The following VWA5B1 variants were observed in gnomAD, a reference collection of about 807,000 sequenced individuals.
The protein encoded by VWA5B1 is von Willebrand factor A domain containing 5B1, also known as von Willebrand factor A domain-containing protein 5B1.
In VWA5B1, 115 loss-of-function variants were observed where a neutral mutation model predicts 118.2. That is an observed-to-expected ratio of 0.97 (90% confidence interval 0.84 to 1.14). The LOEUF (loss-of-function observed/expected upper bound fraction) is 1.14, where lower values mean the gene tolerates loss of function less well. Among genes scored for constraint, VWA5B1 ranks in the 50% most tolerant of loss-of-function variants. The probability of loss-of-function intolerance (pLI) is 0.00; values close to 1 mark genes in which losing one functional copy is unlikely to be tolerated. For missense variants in VWA5B1, 1,596 were observed against 1,603.8 expected, an observed-to-expected ratio of 1.00 and a Z score of 0.08; for synonymous variants, 682 against 658.4, an observed-to-expected ratio of 1.04 and a Z score of -0.55.
chr1:20,336,314 C>A lies in VWA5B1; in HGVS notation c.1770C>A (p.Arg590=). 6.8e-7 allele frequency: 1 copy of A among 1,465,950 alleles called. No individual in the cohort carries two copies. Among genetic ancestry groups the A allele is most frequent in the Non-Finnish European group, 9.1e-7 (1 of 1,100,514 alleles). The allele number at this position is 1,465,950 out of a possible 1,614,324, so 90.8% of individuals were successfully genotyped here. The change falls in exon 13 of 22, where the codon CGC becomes CGA. Residue 590 remains arginine, a synonymous_variant. Transcript: ENST00000289815. ...HISNPRSDKR[R]RYSMLHSQES... is the part of the protein sequence containing the mutation. ...GTTTCTCCCTACAGGACAAGAGGCG[C>A]CGGTACAGCATGCTGCACTCTCAGG...
intron 4 of VWA5B1, among the ~76,000 whole-genome samples, chr1:20,317,155 CA>C (rs367872784): frequency 0.033 from 2,320 of 70,470 alleles, 22 homozygotes; most frequent in African/African-American, 0.068. Context: ...GACTGCATCT[CA>C]AAAAAAAAAA....
At chr1:20,327,863 C>T (rs2100914692) in intron 8 of VWA5B1, 27 bp from the exon 9 acceptor site, 1 of 1,540,510 alleles carries the variant, frequency 6.5e-7, no homozygotes, top group East Asian at 2.4e-5. Context: ...CTTCCTGAAT[C>T]CTGAAAACCC....
Position 20,337,875 on chromosome 1 carries a change from G to A in VWA5B1, c.2133+39G>A, listed in dbSNP as rs578152211. Reference sequence around the variant, plus strand: ...ACAGATTAGGGAGGAGCTGGGGAAGGCGACAGGCAGGGGAGAGCTGTGTCC... The same window carrying A: ...ACAGATTAGGGAGGAGCTGGGGAAGACGACAGGCAGGGGAGAGCTGTGTCC... On this transcript the variant is annotated intron_variant, in intron 14 of 21. Coordinates refer to ENST00000289815, the MANE Select transcript of VWA5B1 (RefSeq NM_001039500.3). 3 of 1,551,022 alleles carry A rather than the reference G, an allele frequency of 1.9e-6. No individual in the cohort carries two copies. In the East Asian group the frequency reaches 7.3e-5, roughly 38 times the overall value.
At chr1:20,324,977 G>T (rs755750479) in intron 8 of VWA5B1, among the ~76,000 whole-genome samples, 10 of 152,172 alleles carry the variant, frequency 6.6e-5, no homozygotes, top group Non-Finnish European at 1.3e-4. Context: ...ATCCCGTTCC[G>T]CATCTTTATC....
At chr1:20,353,021 C>A (rs540275474) in intron 21 of VWA5B1, among the ~76,000 whole-genome samples, 33 of 152,194 alleles carry the variant, frequency 2.2e-4, no homozygotes, top group African/African-American at 7.5e-4. Context: ...TTGGGGAGTA[C>A]AGGGGGTGGA....
At chr1:20,341,530 T>A (rs566536255) in intron 14 of VWA5B1, among the ~76,000 whole-genome samples, 1 of 152,366 alleles carries the variant, frequency 6.6e-6, no homozygotes, top group Admixed American at 6.5e-5. Flanking sequence ...TTGTTTTAAT[T>A]TACATTGTTC....
chr1:20,324,206 A>G (rs2089306932), intron 8 of VWA5B1, among the ~76,000 whole-genome samples: 2 of 152,160 alleles, frequency 1.3e-5, no homozygotes, highest in Non-Finnish European at 2.9e-5. Flanking sequence ...ATGTAAACAC[A>G]TTTGCTGTCC....
In VWA5B1 at chr1:20,343,343, T is replaced by C. The variant is rs2089928627; in HGVS notation, c.2576T>C (p.Ile859Thr). 3.2e-6 allele frequency: 5 copies of C among 1,541,812 alleles called. No individual in the cohort carries two copies. The highest frequency in any genetic ancestry group is 3.5e-6 in the Non-Finnish European group (4 of 1,144,934). Residue 859 changes from isoleucine (I) to threonine (T), a missense_variant, in exon 16 of 22, where the codon ATC becomes ACC. Physicochemically the swap from Ile to Thr is moderately conservative, Grantham distance 89. Transcript: ENST00000289815. ...ETFHHLAARA[I>T]IRDFEQLAER... Reference sequence around the variant, plus strand: ...TTCCACCACCTGGCGGCCCGCGCCATCATCCGCGACTTCGAGCAGCTGGCG... The same window carrying C: ...TTCCACCACCTGGCGGCCCGCGCCACCATCCGCGACTTCGAGCAGCTGGCG...
At chr1:20,318,464 G>T in intron 5 of VWA5B1, 126 bp from the exon 6 acceptor site, 1 of 1,380,974 alleles carries the variant, frequency 7.2e-7, no homozygotes, top group South Asian at 1.2e-5. Context: ...CACACTGCAG[G>T]TCAGGAGCCC....
chr1:20,335,048 C>A (rs2089673405), intron 12 of VWA5B1, among the ~76,000 whole-genome samples: 1 of 152,064 alleles, frequency 6.6e-6, no homozygotes, highest in African/African-American at 2.4e-5. Flanking sequence ...GTGGCTCACA[C>A]CTGTAATCCC....
rs749079556 is a variant in VWA5B1, at chr1:20,310,773, A to AC, written c.139+38dup. The AC allele has an allele frequency of 4.0e-6, 6 of 1,502,880 alleles. No individual in the cohort carries two copies. The Admixed American group carries it at 1.4e-4, about 36-fold the overall frequency. The allele number at this position is 1,502,880 out of a possible 1,614,324, so 93.1% of individuals were successfully genotyped here. A position where few individuals can be genotyped will look rare whatever the true frequency, so the allele number is the denominator to read the frequency against. ...CACCTGCTGGGGCCTCCCCGGGACC[A>AC]CCCCCTCCTCCACAGTGAATCCCTG... On this transcript the variant is annotated intron_variant, in intron 2 of 21. Transcript: ENST00000289815.
intron 8 of VWA5B1, among the ~76,000 whole-genome samples, chr1:20,327,240 C>A (rs1485714659): frequency 1.3e-5 from 2 of 152,204 alleles, no homozygotes; most frequent in East Asian, 3.8e-4. Flanking sequence ...CTTCCCCTCT[C>A]TGTGCCTCAA....
rs1199756506 is a variant in VWA5B1, at chr1:20,354,281, T to C, written c.*18T>C. The C allele has an allele frequency of 3.9e-6, 5 of 1,283,940 alleles. No homozygotes were observed. The highest frequency in any genetic ancestry group is 5.3e-6 in the Non-Finnish European group (5 of 941,584). The allele number at this position is 1,283,940 out of a possible 1,614,324, so 79.5% of individuals were successfully genotyped here. A position where few individuals can be genotyped will look rare whatever the true frequency, so the allele number is the denominator to read the frequency against. On this transcript the variant is annotated 3_prime_UTR_variant, in exon 22 of 22. Coordinates refer to ENST00000289815, the MANE Select transcript of VWA5B1 (RefSeq NM_001039500.3). Reference sequence around the variant, plus strand: ...ATGTGTAGTTGAGTGACGGGGAGGCTGGGTGGAGGGAAGGGTGGGGAGGAG... The same window carrying C: ...ATGTGTAGTTGAGTGACGGGGAGGCCGGGTGGAGGGAAGGGTGGGGAGGAG...
intron 12 of VWA5B1, among the ~76,000 whole-genome samples, chr1:20,334,257 G>A (rs2100947916): frequency 6.6e-6 from 1 of 152,298 alleles, no homozygotes; most frequent in African/African-American, 2.4e-5. Context: ...TCAGCCGCAG[G>A]GAGAAAATGC....
intron 1 of VWA5B1, among the ~76,000 whole-genome samples, chr1:20,299,397 T>G (rs1406564051): frequency 6.6e-6 from 1 of 152,170 alleles, no homozygotes; most frequent in Non-Finnish European, 1.5e-5. Flanking sequence ...TTTGGTTTTT[T>G]GTTTTGTTTT....
At chr1:20,295,137 C>T (rs1272667182) in intron 1 of VWA5B1, among the ~76,000 whole-genome samples, 1 of 152,010 alleles carries the variant, frequency 6.6e-6, no homozygotes, top group Non-Finnish European at 1.5e-5. Flanking sequence ...TTTGAAGGGA[C>T]CCAGCAGGAT....
At position 20,330,286 on chromosome 1, in the gene VWA5B1, G is replaced by C; in HGVS notation, c.1361G>C (p.Arg454Pro). ...LKWVIRQPVH[R>P]GHPRLLFVIT... ...TGGGTCATCAGGCAGCCAGTGCACC[G>C]AGGCCACCCGCGGCTCCTCTTCGTG... The change falls in exon 10 of 22, where the codon CGA becomes CCA. Residue 454 changes from arginine to proline, a missense_variant. Arg to Pro is a moderately radical substitution (Grantham distance 103, BLOSUM62 -2). Transcript: ENST00000289815. 1 of 1,551,786 alleles carries C rather than the reference G, an allele frequency of 6.4e-7. No individual in the cohort carries two copies. Among genetic ancestry groups the C allele is most frequent in the Non-Finnish European group, 8.7e-7 (1 of 1,147,032 alleles).
intron 7 of VWA5B1, among the ~76,000 whole-genome samples, chr1:20,322,932 C>G (rs17355307): frequency 0.11 from 16,398 of 152,234 alleles, 1,007 homozygotes; most frequent in Admixed American, 0.14. Flanking sequence ...TCACAGCCAA[C>G]ATGAGCCAGA....
Position 20,319,405 on chromosome 1 carries a change from A to T in VWA5B1, c.865A>T (p.Ile289Leu). The T allele has an allele frequency of 6.4e-7, 1 of 1,551,756 alleles. No homozygotes were observed. ...AGAGCCCCATATGCCCCATGTCCTG[A>T]TAGAGAAAGGGGACATGACCCTGGG... Reference protein sequence around the residue: ...PSEPHMPHVLIEKGDMTLGEF... With the variant: ...PSEPHMPHVLLEKGDMTLGEF... Residue 289 changes from isoleucine (I) to leucine (L), a missense_variant, in exon 7 of 22, where the codon ATA (isoleucine) becomes TTA (leucine). Coordinates refer to ENST00000289815, the MANE Select transcript of VWA5B1 (RefSeq NM_001039500.3).
Sources: allele counts gnomAD v4.1 joint callset (sites outside exome capture counted in the v4.1 genomes callset), GRCh38; gene constraint gnomAD v4.1.1; transcripts MANE v1.5; gene names NCBI Gene and HGNC (gene_info 2026-07-23, HGNC 2026-07-21).